FGGY: variants seen among roughly 807,000 people sequenced by gnomAD.
The protein encoded by FGGY is FGGY carbohydrate kinase domain-containing protein.
In FGGY, 72 loss-of-function variants were observed where a neutral mutation model predicts 71.3. The observed-to-expected ratio is 1.01, with a 90% CI of 0.84 to 1.23. The LOEUF is 1.23. Ranked by LOEUF, FGGY falls within the 50% of genes most tolerant of loss-of-function variation. The probability of loss-of-function intolerance (pLI) is 0.00; values close to 1 mark genes in which losing one functional copy is unlikely to be tolerated. For synonymous variants in FGGY, 251 were observed against 250.3 expected (o/e 1.00, Z -0.02); for missense variants, 668 against 682.3 (o/e 0.98, Z 0.23).
chr1:59,674,017 G>T (rs1271111372), intron 13 of FGGY, 22 bp from the exon 14 acceptor site: 1 of 1,608,936 alleles, frequency 6.2e-7, no homozygotes, highest in South Asian at 1.1e-5. Flanking sequence ...CCCTAACCAA[G>T]GTGTGGCCTT....
intron 2 of FGGY, among the ~76,000 whole-genome samples, chr1:59,330,852 A>G (rs2048336615): frequency 6.6e-6 from 1 of 152,160 alleles, no homozygotes; most frequent in South Asian, 2.1e-4. Context: ...GCTCCTCTAG[A>G]ATCATCCTGA....
intron 11 of FGGY, among the ~76,000 whole-genome samples, chr1:59,654,019 A>G (rs573613258): frequency 2.0e-5 from 3 of 152,194 alleles, no homozygotes; most frequent in African/African-American, 7.2e-5. Context: ...CTATCTGCCC[A>G]GTTCCTTTAA....
intron 5 of FGGY, among the ~76,000 whole-genome samples, chr1:59,406,116 T>G (rs1315033777): frequency 6.6e-6 from 1 of 151,802 alleles, no homozygotes; most frequent in African/African-American, 2.4e-5. Flanking sequence ...AGACAGTTGA[T>G]TCTTCATTAT....
At chr1:59,494,006 T>C (rs2093958197) in intron 6 of FGGY, among the ~76,000 whole-genome samples, 1 of 152,162 alleles carries the variant, frequency 6.6e-6, no homozygotes, top group South Asian at 2.1e-4. Context: ...GATCTAGTCA[T>C]TGGCAGCCTA....
Position 59,453,478 on chromosome 1 carries a change from A to G in FGGY, c.555-3483A>G, listed in dbSNP as rs1431284690. 2.0e-5 allele frequency among the ~76,000 whole-genome samples: 3 copies of G among 152,206 alleles called. No individual in the cohort carries two copies. The East Asian group carries it at 5.8e-4, about 29-fold the overall frequency. On this transcript the variant is annotated intron_variant, in intron 5 of 15. Transcript: ENST00000303721. Reference sequence around the variant, plus strand: ...AATACAGTAATCATTTATTTGACTCATGGACAGCTCATTTAGGCTGTGCTG... The same window carrying G: ...AATACAGTAATCATTTATTTGACTCGTGGACAGCTCATTTAGGCTGTGCTG...
Position 59,638,299 on chromosome 1 carries a change from T to C in FGGY, c.1145T>C (p.Leu382Pro). 1 of 1,614,246 alleles carries C rather than the reference T, an allele frequency of 6.2e-7. No homozygotes were observed. Among genetic ancestry groups the C allele is most frequent in the Non-Finnish European group, 8.5e-7 (1 of 1,180,046 alleles). The change falls in exon 11 of 16, where the codon CTT becomes CCT. Residue 382 changes from leucine to proline, a missense_variant. Physicochemically the swap from Leu to Pro is moderately conservative, Grantham distance 98. This residue lies in a region of FGGY where 661 missense variants were observed against 661.6 expected (regional missense o/e 1.00). Transcript: ENST00000303721. ...LIKKAQPVGFLTVDLHVWPDF... is the reference protein window; with the variant it reads ...LIKKAQPVGFPTVDLHVWPDF... ...AAGAAGGCTCAGCCTGTGGGTTTCC[T>C]TACTGTTGATTTACATGTTTGGCCA...
chr1:59,596,687 G>A (rs1206055616), intron 8 of FGGY, among the ~76,000 whole-genome samples: 1 of 152,182 alleles, frequency 6.6e-6, no homozygotes, highest in Non-Finnish European at 1.5e-5. Context: ...TCACCCTGCT[G>A]ATTGCAGTGG....
intron 14 of FGGY, among the ~76,000 whole-genome samples, chr1:59,756,301 A>G (rs1252762140): frequency 2.0e-5 from 3 of 152,182 alleles, no homozygotes; most frequent in African/African-American, 7.2e-5. Flanking sequence ...TGATCTCCCA[A>G]TCAGCACATT....
intron 7 of FGGY, among the ~76,000 whole-genome samples, chr1:59,515,519 G>A (rs761429599): frequency 5.3e-5 from 8 of 152,034 alleles, no homozygotes; most frequent in South Asian, 2.1e-4. Context: ...GGCCAGGGGC[G>A]GAATGATAAT....
intron 5 of FGGY, among the ~76,000 whole-genome samples, chr1:59,396,604 T>C (rs904076241): frequency 1.3e-5 from 2 of 152,306 alleles, no homozygotes; most frequent in East Asian, 3.9e-4. Flanking sequence ...AGAAGTGGCC[T>C]CAGGTCCTTT....
At position 59,340,072 on chromosome 1, in the gene FGGY, A is replaced by G. The variant is rs759164028; in HGVS notation, c.313+3A>G. ...CCCATTACCAGTCAACCAGGAAGGTAAGACCATGTCTCTTCCTTTTCCCAG... is the reference window on the plus strand; with the variant it reads ...CCCATTACCAGTCAACCAGGAAGGTGAGACCATGTCTCTTCCTTTTCCCAG... On this transcript the variant is annotated splice_donor_region_variant and intron_variant, in intron 3 of 15. Transcript: ENST00000303721. 7.5e-6 allele frequency: 12 copies of G among 1,601,642 alleles called. No individual in the cohort carries two copies. In the South Asian group the frequency reaches 1.2e-4, roughly 16 times the overall value.
chr1:59,534,927 C>G (rs373575813), intron 7 of FGGY, among the ~76,000 whole-genome samples: 15 of 151,582 alleles, frequency 9.9e-5, no homozygotes, highest in Non-Finnish European at 1.9e-4. Flanking sequence ...CATCAACTAA[C>G]GAGCAAAATC....
intron 1 of FGGY, among the ~76,000 whole-genome samples, chr1:59,311,906 GCAT>G (rs1345680702): frequency 6.6e-6 from 1 of 152,184 alleles, no homozygotes; most frequent in Admixed American, 6.5e-5. Context: ...AGCCTTGCCA[GCAT>G]CTATTGTTTC....
intron 6 of FGGY, among the ~76,000 whole-genome samples, chr1:59,462,898 G>A (rs9726773): frequency 0.035 from 5,366 of 151,534 alleles, 297 homozygotes; most frequent in African/African-American, 0.12. Flanking sequence ...AAGTCAGTGT[G>A]GTGATTCCTC....
chr1:59,339,139 A>G (rs1570613742), intron 2 of FGGY, among the ~76,000 whole-genome samples: 1 of 152,238 alleles, frequency 6.6e-6, no homozygotes, highest in Non-Finnish European at 1.5e-5. Context: ...TGTGTAAGGT[A>G]TATATGAAAC....
chr1:59,378,033 C>T (rs948985615), intron 4 of FGGY, among the ~76,000 whole-genome samples: 2 of 152,044 alleles, frequency 1.3e-5, no homozygotes, highest in African/African-American at 4.8e-5. Flanking sequence ...TGGCAGGGGA[C>T]ATTTAGTTTC....
intron 6 of FGGY, among the ~76,000 whole-genome samples, chr1:59,489,525 A>G (rs76515989): frequency 3.3e-5 from 5 of 152,152 alleles, no homozygotes; most frequent in Non-Finnish European, 5.9e-5. Flanking sequence ...ATTTCCATCC[A>G]TATTGCTACA....
Position 59,309,432 on chromosome 1 carries a change from C to G in FGGY, c.-14-12104C>G, listed in dbSNP as rs535895052. On this transcript the variant is annotated intron_variant, in intron 1 of 15. Coordinates refer to ENST00000303721, the MANE Select transcript of FGGY (RefSeq NM_018291.5). The stretch of plus-strand genomic sequence containing the variant: ...CTAGTAGTTTTGTAGCATTGAAGTA[C>G]GAAGGTTGAGGTTAGGGAGAGAGGC... Among the ~76,000 whole-genome samples the G allele has an allele frequency of 3.1e-3, 468 of 152,120 alleles. 1 individual carries two copies. Among genetic ancestry groups the G allele is most frequent in the Non-Finnish European group, 5.1e-3 (347 of 68,002 alleles).
chr1:59,533,579 G>A (rs2095224639), intron 7 of FGGY, among the ~76,000 whole-genome samples: 1 of 152,206 alleles, frequency 6.6e-6, no homozygotes, highest in Non-Finnish European at 1.5e-5. Context: ...AGTAACCTCT[G>A]CAGACTTAAA....
Sources: allele counts gnomAD v4.1 joint callset (sites outside exome capture counted in the v4.1 genomes callset), GRCh38; gene constraint gnomAD v4.1.1; regional missense constraint gnomAD v4.1.1; transcripts MANE v1.5; gene names NCBI Gene and HGNC (gene_info 2026-07-23, HGNC 2026-07-21).